CMTM7: variants seen among roughly 807,000 people sequenced by gnomAD.
CMTM7 encodes CKLF-like MARVEL transmembrane domain-containing protein 7.
A neutral mutation model predicts 19.3 loss-of-function variants in CMTM7; 7 were observed. That is an observed-to-expected ratio of 0.36 (90% CI 0.21 to 0.68). CMTM7 has a LOEUF of 0.68. CMTM7 is among the 30% of genes least tolerant of loss of function. The pLI, the probability that CMTM7 is intolerant of heterozygous loss-of-function variation, is 0.60. For synonymous variants in CMTM7, 87 were observed against 99.3 expected (o/e 0.88, Z 0.74); for missense variants, 193 against 232.6 (o/e 0.83, Z 1.11).
Position 32,411,615 on chromosome 3 carries a change from G to A in CMTM7, c.159+19550G>A, listed in dbSNP as rs532348160. On this transcript the variant is annotated intron_variant, in intron 1 of 4. Coordinates refer to ENST00000334983, the MANE Select transcript of CMTM7 (RefSeq NM_138410.4). ...TTGCTAAGTGACCCCCTGAGTCACTGTCCCCGCCATCAGTCCCATACCCTG... is the reference window on the plus strand; with the variant it reads ...TTGCTAAGTGACCCCCTGAGTCACTATCCCCGCCATCAGTCCCATACCCTG... Among the ~76,000 whole-genome samples the A allele has an allele frequency of 4.6e-5, 7 of 152,288 alleles. No individual in the cohort carries two copies. In the East Asian group the frequency reaches 1.2e-3, roughly 25 times the overall value.
chr3:32,404,145 T>TC (rs1696053565), intron 1 of CMTM7, among the ~76,000 whole-genome samples: 1 of 89,420 alleles, frequency 1.1e-5, no homozygotes, highest in African/African-American at 3.5e-5. Flanking sequence ...TTTCTTTCTT[T>TC]TTTTTTCTTT....
At position 32,452,493 on chromosome 3, in the gene CMTM7, G is replaced by A; in HGVS notation, c.514+20G>A. 6.2e-7 allele frequency: 1 copy of A among 1,611,348 alleles called. No homozygotes were observed. Among genetic ancestry groups the A allele is most frequent in the Non-Finnish European group, 8.5e-7 (1 of 1,177,606 alleles). ...CCACAGGTGAGTTCTGGTTATCTGT[G>A]CACAGAGGATCTCTCAGGAACAGGG... On this transcript the variant is annotated intron_variant, in intron 4 of 4. Transcript: ENST00000334983.
intron 4 of CMTM7, among the ~76,000 whole-genome samples, chr3:32,453,616 C>T (rs781156731): frequency 4.6e-5 from 7 of 152,102 alleles, no homozygotes; most frequent in Non-Finnish European, 7.3e-5. Flanking sequence ...TAATAAGAAT[C>T]GTCTAGAGCA....
chr3:32,410,163 C>T (rs1407173039), intron 1 of CMTM7, among the ~76,000 whole-genome samples: 1 of 152,208 alleles, frequency 6.6e-6, no homozygotes, highest in Non-Finnish European at 1.5e-5. Context: ...GCTACCATCA[C>T]TCTATCCTGT....
At chr3:32,425,126 CTCAGTG>C (rs769969812) in intron 1 of CMTM7, among the ~76,000 whole-genome samples, 1 of 152,208 alleles carries the variant, frequency 6.6e-6, no homozygotes, top group Non-Finnish European at 1.5e-5. Context: ...CTCTCTGTGC[CTCAGTG>C]TCCTCATCTG....
intron 1 of CMTM7, among the ~76,000 whole-genome samples, chr3:32,438,800 T>G (rs888074663): frequency 2.0e-5 from 3 of 152,236 alleles, no homozygotes; most frequent in African/African-American, 7.2e-5. Context: ...CAGGAAGACC[T>G]GACCTGCACA....
At chr3:32,439,824 A>G (rs1696648932) in intron 1 of CMTM7, among the ~76,000 whole-genome samples, 1 of 152,234 alleles carries the variant, frequency 6.6e-6, no homozygotes, top group Admixed American at 6.5e-5. Context: ...ATTTTTCAAC[A>G]GTAGTACTGT....
intron 1 of CMTM7, among the ~76,000 whole-genome samples, chr3:32,424,774 G>A (rs1467982111): frequency 2.0e-5 from 3 of 152,062 alleles, no homozygotes; most frequent in Non-Finnish European, 2.9e-5. Flanking sequence ...GGCCTTCCGA[G>A]TAGCTGGACC....
intron 1 of CMTM7, among the ~76,000 whole-genome samples, chr3:32,437,871 C>T (rs574458039): frequency 2.0e-5 from 3 of 152,172 alleles, no homozygotes; most frequent in African/African-American, 7.2e-5. Context: ...TGCCTAGCGA[C>T]AGAGTGAGAC....
chr3:32,415,151 G>A (rs780050800), intron 1 of CMTM7, among the ~76,000 whole-genome samples: 45 of 152,100 alleles, frequency 3.0e-4, no homozygotes, highest in Admixed American at 7.8e-4. Flanking sequence ...ACGAGATCAC[G>A]CCACTGCACT....
rs115963670 is a variant in CMTM7, at chr3:32,417,048, A to G, written c.160-24792A>G. 1.0e-2 allele frequency among the ~76,000 whole-genome samples: 1,519 copies of G among 152,324 alleles called. 9 individuals carry two copies. Among genetic ancestry groups the G allele is most frequent in the Non-Finnish European group, 0.016 (1,089 of 68,026 alleles). ...CTATAGAAATCATCTATTCAAAGTG[A>G]CAATTCAGAAGTTTTTAGTCTGTTC... On this transcript the variant is annotated intron_variant, in intron 1 of 4. Coordinates refer to ENST00000334983, the MANE Select transcript of CMTM7 (RefSeq NM_138410.4).
Position 32,454,409 on chromosome 3 carries a change from C to CA in CMTM7, c.*156dup, listed in dbSNP as rs1696880139. On this transcript the variant is annotated 3_prime_UTR_variant, in exon 5 of 5. Transcript: ENST00000334983. ...CCCTCTTCCTGCTCTCCCAGGAAGC[C>CA]AGCTCCCTGAGCTCCTGAGCCAGCC... The CA allele has an allele frequency of 1.1e-6, 1 of 899,696 alleles. No homozygotes were observed. The highest frequency in any genetic ancestry group is 1.6e-5 in the African/African-American group (1 of 60,750). The allele number at this position is 899,696 out of a possible 1,614,324, so 55.7% of individuals were successfully genotyped here.
At chr3:32,445,231 G>A (rs1696736405) in intron 2 of CMTM7, among the ~76,000 whole-genome samples, 1 of 152,110 alleles carries the variant, frequency 6.6e-6, no homozygotes, top group South Asian at 2.1e-4. Context: ...GAAATTAGTT[G>A]ACTAAATTAG....
intron 1 of CMTM7, among the ~76,000 whole-genome samples, chr3:32,431,749 G>A (rs759925374): frequency 1.9e-4 from 29 of 152,212 alleles, no homozygotes; most frequent in Non-Finnish European, 3.1e-4. Context: ...GTGTGACTTT[G>A]AGCAAATTAC....
At chr3:32,430,714 T>TGTGTGTGTGTGTGTGCGTGA (rs10634592) in intron 1 of CMTM7, among the ~76,000 whole-genome samples, 1 of 149,596 alleles carries the variant, frequency 6.7e-6, no homozygotes, top group Non-Finnish European at 1.5e-5. Context: ...TGTGTGTGTG[T>TGTGTGTGTGTGTGTGCGTGA]GACACAGCTC....
chr3:32,430,681 A>ATGTGTGTGTGTGTGTGTGTG (rs35054129), intron 1 of CMTM7, among the ~76,000 whole-genome samples: 10,108 of 133,690 alleles, frequency 0.076, 516 homozygotes, highest in Non-Finnish European at 0.094. Context: ...CTACATCTGA[A>ATGTGTGTGTGTGTGTGTGTG]TGTGTGTGTG....
intron 1 of CMTM7, among the ~76,000 whole-genome samples, chr3:32,397,748 T>A (rs940052397): frequency 6.7e-6 from 1 of 150,084 alleles, no homozygotes; most frequent in African/African-American, 2.4e-5. Context: ...AAAAAAAAAA[T>A]TATTAACTCA....
At chr3:32,439,117 C>T (rs1266674548) in intron 1 of CMTM7, among the ~76,000 whole-genome samples, 2 of 152,210 alleles carry the variant, frequency 1.3e-5, no homozygotes, top group African/African-American at 2.4e-5. Flanking sequence ...CGATCATGCA[C>T]ACTCCTGAGT....
chr3:32,444,425 C>T (rs1026337742), intron 2 of CMTM7, among the ~76,000 whole-genome samples: 2 of 152,172 alleles, frequency 1.3e-5, no homozygotes, highest in East Asian at 1.9e-4. Context: ...ATGTGTCTGT[C>T]GTTATGCCAT....
Sources: gnomAD v4.1 joint callset for allele counts (sites outside exome capture counted in the v4.1 genomes callset) on GRCh38, gnomAD v4.1.1 for gene constraint, MANE v1.5 for transcripts, NCBI Gene and HGNC (gene_info 2026-07-23, HGNC 2026-07-21) for gene names.